Variants in DNAH2 observed in about 807,000 individuals in gnomAD.
DNAH2 encodes the protein axonemal beta dynein heavy chain 2.
DNAH2 carries 323 observed loss-of-function variants against 523.5 expected under a neutral mutation model. The ratio of observed to expected loss-of-function variants is 0.62; its 90% CI spans 0.56 to 0.68. DNAH2 has a LOEUF of 0.68. Among genes scored for constraint, DNAH2 ranks in the 30% least tolerant of loss-of-function variants. The pLI is 0.00. For synonymous variants in DNAH2, 2,093 were observed against 2,177.4 expected, an observed-to-expected ratio of 0.96 and a Z score of 1.08; for missense variants, 4,907 against 5,701.5, an observed-to-expected ratio of 0.86 and a Z score of 4.49.
At position 7,757,087 on chromosome 17, in the gene DNAH2, A is replaced by G; in HGVS notation, c.1905-4A>G. 1.2e-6 allele frequency: 2 copies of G among 1,613,950 alleles called. No homozygotes were observed. Among genetic ancestry groups the G allele is most frequent in the East Asian group, 2.2e-5 (1 of 44,868 alleles). On this transcript the variant is annotated splice_polypyrimidine_tract_variant and splice_region_variant and intron_variant, in intron 12 of 85. Transcript: ENST00000572933. ...CCTCACTGCCTGGCTGCTCTCTCTCAAAGGTCCCTTCTGATTCTCTTTGCG... is the reference window on the plus strand; with the variant it reads ...CCTCACTGCCTGGCTGCTCTCTCTCGAAGGTCCCTTCTGATTCTCTTTGCG...
Position 7,831,708 on chromosome 17 carries a change from T to C in DNAH2, c.12659T>C (p.Met4220Thr). Residue 4220 changes from methionine (M) to threonine (T), a missense_variant, in exon 82 of 86, where the codon ATG becomes ACG. Met to Thr is a moderately conservative substitution (Grantham distance 81, BLOSUM62 -1). Coordinates refer to ENST00000572933, the MANE Select transcript of DNAH2 (RefSeq NM_020877.5). This position sits in a 1 kb window ranked among gnomAD's most constrained non-coding sequence, Gnocchi z 4.2. ...LEKGIQGLIV[M>T]STSLEEIFNC... is the part of the protein sequence containing the mutation. ...AAAGGCATCCAGGGTCTCATCGTCATGTCTACAAGCCTGGAAGAGATTTTC... is the reference window on the plus strand; with the variant it reads ...AAAGGCATCCAGGGTCTCATCGTCACGTCTACAAGCCTGGAAGAGATTTTC... 4 of 1,614,200 alleles carry C rather than the reference T, an allele frequency of 2.5e-6. No homozygotes were observed. The South Asian group carries it at 3.3e-5, about 13-fold the overall frequency.
chr17:7,792,706 A>G lies in DNAH2; in HGVS notation c.7195A>G (p.Asn2399Asp), dbSNP rs1158884003. The change falls in exon 47 of 86, where the codon AAC becomes GAC. Residue 2399 changes from asparagine (N) to aspartate (D), a missense_variant. Asn to Asp is a conservative substitution (Grantham distance 23). Around this residue, in one of 3 missense-constraint regions of DNAH2, gnomAD observed 2,806 missense variants for 3,190.8 expected, o/e 0.88. Transcript: ENST00000572933. ...MVPTVDTVRY[N>D]YLVSSLVANQ... ...GCCCACCGTCGACACTGTTCGCTAC[A>G]ACTACCTGGTGAGCAGCTTGGTGGC... 3.7e-6 allele frequency: 6 copies of G among 1,614,142 alleles called. No individual in the cohort carries two copies. Among genetic ancestry groups the G allele is most frequent in the Non-Finnish European group, 5.1e-6 (6 of 1,180,020 alleles).
chr17:7,724,948 G>A (rs886518675), intron 3 of DNAH2, among the ~76,000 whole-genome samples: 3 of 151,766 alleles, frequency 2.0e-5, no homozygotes, highest in Non-Finnish European at 2.9e-5. Context: ...TTGTCATATC[G>A]GCCAGGCTGG....
intron 2 of DNAH2, among the ~76,000 whole-genome samples, chr17:7,720,282 C>G (rs757047981): frequency 3.3e-5 from 5 of 152,094 alleles, no homozygotes; most frequent in Non-Finnish European, 5.9e-5. Flanking sequence ...TGTTTTTCTC[C>G]CATTAAGCCC....
At chr17:7,766,584 C>A in intron 22 of DNAH2, 103 bp downstream of exon 22, 1 of 1,191,068 alleles carries the variant, frequency 8.4e-7, no homozygotes, top group Non-Finnish European at 1.1e-6. Flanking sequence ...GAGAGGAGCT[C>A]ACAAGGAGCT....
chr17:7,819,765 A>T (rs2077801902), intron 72 of DNAH2, among the ~76,000 whole-genome samples: 1 of 152,174 alleles, frequency 6.6e-6, no homozygotes. Context: ...ACAAGCTCCC[A>T]GGGGTGCCAC....
At chr17:7,721,460 C>G (rs2074604627) in intron 2 of DNAH2, among the ~76,000 whole-genome samples, 1 of 152,162 alleles carries the variant, frequency 6.6e-6, no homozygotes, top group Admixed American at 6.5e-5. Flanking sequence ...AGGCGTGAGC[C>G]ACCGCACCCA....
chr17:7,761,072 A>G, intron 18 of DNAH2, 140 bp downstream of exon 18: 1 of 1,070,802 alleles, frequency 9.3e-7, no homozygotes, highest in Admixed American at 2.7e-5. Context: ...AACAGGACCT[A>G]GGACATTGGA....
At chr17:7,826,006 C>T (rs2078007925) in intron 77 of DNAH2, among the ~76,000 whole-genome samples, 1 of 152,126 alleles carries the variant, frequency 6.6e-6, no homozygotes, top group Non-Finnish European at 1.5e-5. Flanking sequence ...ATCACCTGAG[C>T]TCAGGAAGGT....
intron 27 of DNAH2, 131 bp downstream of exon 27, chr17:7,771,064 G>A: frequency 9.2e-7 from 1 of 1,091,912 alleles, no homozygotes; most frequent in Middle Eastern, 3.1e-4. Flanking sequence ...GGACCCAGCT[G>A]TCTGATTCTT....
At position 7,774,988 on chromosome 17, in the gene DNAH2, T is replaced by C; in HGVS notation, c.4719+12T>C. ...TGAGAATCCAGAAGGTCAGTAGAAG[T>C]GGCCACAGTGAGATGCTGGGTGGCG... On this transcript the variant is annotated intron_variant, in intron 29 of 85. Transcript: ENST00000572933. 6.2e-7 allele frequency: 1 copy of C among 1,612,416 alleles called. No individual in the cohort carries two copies. Among genetic ancestry groups the C allele is most frequent in the Non-Finnish European group, 8.5e-7 (1 of 1,179,360 alleles).
chr17:7,741,281 TC>T (rs2075321152), intron 11 of DNAH2, among the ~76,000 whole-genome samples: 1 of 56,628 alleles, frequency 1.8e-5, no homozygotes, highest in Non-Finnish European at 3.0e-5. Flanking sequence ...TTTCTTTCTT[TC>T]TTTCTTTCTT....
At position 7,804,436 on chromosome 17, in the gene DNAH2, G is replaced by A. The variant is rs550297657; in HGVS notation, c.9153G>A (p.Gln3051=). The change falls in exon 59 of 86, where the codon CAG becomes CAA. Residue 3051 remains glutamine, a synonymous_variant. Transcript: ENST00000572933. ...QCEEYLVIIV[Q]QKREADEQQK... ...AGGAGTACCTGGTCATCATTGTGCA[G>A]CAGAAGCGGGAGGCAGATGAGCAGC... is the stretch of plus-strand genomic sequence containing the variant. The A allele has an allele frequency of 8.7e-6, 14 of 1,614,008 alleles. No individual in the cohort carries two copies. In the South Asian group the frequency reaches 1.3e-4, roughly 15 times the overall value.
At position 7,817,889 on chromosome 17, in the gene DNAH2, C is replaced by T. The variant is rs375945692; in HGVS notation, c.10236+33C>T. On this transcript the variant is annotated intron_variant, in intron 67 of 85. Transcript: ENST00000572933. ...GCTGGGGGGTCAGGTTAGCCCCCCC[C>T]TTCCTGAGGCCCCACCTCTCCCGTA... is the stretch of plus-strand genomic sequence containing the variant. The T allele has an allele frequency of 1.2e-4, 199 of 1,612,716 alleles. No homozygotes were observed. The South Asian group carries it at 1.8e-3, about 14-fold the overall frequency.
chr17:7,833,355 GA>G (rs1235162892), intron 85 of DNAH2, 23 bp from the exon 86 acceptor site: 1 of 1,612,558 alleles, frequency 6.2e-7, no homozygotes, highest in Non-Finnish European at 8.5e-7. Context: ...CCAGGGGTCT[GA>G]CTTCTCCTCT....
In DNAH2 at chr17:7,733,079, C is replaced by G. The variant is rs2075036252; in HGVS notation, c.400-8C>G. 2 of 1,613,756 alleles carry G rather than the reference C, an allele frequency of 1.2e-6. No homozygotes were observed. Among genetic ancestry groups the G allele is most frequent in the African/African-American group, 2.7e-5 (2 of 74,914 alleles). On this transcript the variant is annotated splice_polypyrimidine_tract_variant and splice_region_variant and intron_variant, in intron 4 of 85. Coordinates refer to ENST00000572933, the MANE Select transcript of DNAH2 (RefSeq NM_020877.5). ...AGACTGAACTCTGATCTGCTGTCTT[C>G]CATGCAGACCCAGAACCAGCTTGTC...
intron 11 of DNAH2, among the ~76,000 whole-genome samples, chr17:7,741,299 TTCCTTCCCTCCCTCCCTCCCTCCCTC>T (rs2075330373): frequency 1.6e-5 from 1 of 62,450 alleles, no homozygotes; most frequent in Admixed American, 1.9e-4. Context: ...TCTTTCTTCC[TTCCTTCCCTCCCTCCCTCCCTCCCTC>T]CTTCCTTCCT....
intron 11 of DNAH2, 105 bp downstream of exon 11, chr17:7,741,097 A>T: frequency 7.1e-7 from 1 of 1,410,184 alleles, no homozygotes; most frequent in Non-Finnish European, 9.4e-7. Flanking sequence ...ACCAGCACCT[A>T]TGTCGGTGAG....
intron 73 of DNAH2, among the ~76,000 whole-genome samples, 200 bp from the exon 74 acceptor site, chr17:7,823,242 C>T (rs939507166): frequency 1.0e-4 from 15 of 146,316 alleles, no homozygotes; most frequent in Admixed American, 2.8e-4. Flanking sequence ...TGCAGTGAGC[C>T]GAGATTGTGC....
Sources: gnomAD v4.1 joint callset for allele counts (sites outside exome capture counted in the v4.1 genomes callset) on GRCh38, gnomAD v4.1.1 for gene constraint, gnomAD v4.1.1 regional missense constraint, Gnocchi (gnomAD v3.1) non-coding constraint, MANE v1.5 for transcripts, NCBI Gene and HGNC (gene_info 2026-07-23, HGNC 2026-07-21) for gene names.